The following SSC5D variants were observed in gnomAD, a reference collection of about 807,000 sequenced individuals.
SSC5D encodes the protein scavenger receptor cysteine rich family member with 5 domains.
Under a neutral mutation model 104.6 loss-of-function variants are expected in SSC5D, and 106 were observed. That is an observed-to-expected ratio of 1.01 (90% CI 0.87 to 1.19). The LOEUF (loss-of-function observed/expected upper bound fraction) is 1.19. Among genes scored for constraint, SSC5D ranks in the 50% most tolerant of loss-of-function variants. The pLI is 0.00. For synonymous variants in SSC5D, 860 were observed against 883.5 expected (o/e 0.97, Z 0.47); for missense variants, 1,993 against 2,153.8 (o/e 0.93, Z 1.48).
chr19:55,495,306 G>A (rs1433209620), intron 8 of SSC5D, among the ~76,000 whole-genome samples: 2 of 130,028 alleles, frequency 1.5e-5, no homozygotes, highest in Non-Finnish European at 3.2e-5. Flanking sequence ...GCAGTGGTGT[G>A]ATCATGGCTC....
Position 55,489,277 on chromosome 19 carries a change from C to T in SSC5D, c.53-77C>T, listed in dbSNP as rs1361313983. The T allele has an allele frequency of 4.3e-6, 6 of 1,385,998 alleles. No homozygotes were observed. The East Asian group carries it at 8.6e-5, about 20-fold the overall frequency. 85.9% of individuals were successfully genotyped at this position (1,385,998 alleles called of 1,614,324 possible). A position where few individuals can be genotyped will look rare whatever the true frequency, so the allele number is the denominator to read the frequency against. ...ACAGACAGTACCTGCAGGACAGCCA[C>T]CTGCCCCTACAGTTGCCCTGGCCTT... On this transcript the variant is annotated intron_variant, in intron 2 of 13. Coordinates refer to ENST00000389623, the MANE Select transcript of SSC5D (RefSeq NM_001144950.2).
chr19:55,506,996 G>A (rs796518315), intron 12 of SSC5D, among the ~76,000 whole-genome samples: 2 of 151,334 alleles, frequency 1.3e-5, no homozygotes, highest in South Asian at 4.2e-4. Flanking sequence ...GCGAAACCCT[G>A]TCTCTACTAA....
In SSC5D at chr19:55,494,858, A is replaced by C. The variant is rs145295127; in HGVS notation, c.1387+75A>C. 3.5e-4 allele frequency: 506 copies of C among 1,426,652 alleles called. 2 individuals carry two copies. The African/African-American group carries it at 5.3e-3, about 15-fold the overall frequency. The allele number at this position is 1,426,652 out of a possible 1,614,324, so 88.4% of individuals were successfully genotyped here. A position where few individuals can be genotyped will look rare whatever the true frequency, so the allele number is the denominator to read the frequency against. The stretch of plus-strand genomic sequence containing the variant: ...CTTCCCTCAGCTCTGAGACTGTCTC[A>C]TGGGGGGCCTCTTGCAAAGAGAAAG... On this transcript the variant is annotated intron_variant, in intron 8 of 13. Transcript: ENST00000389623.
At chr19:55,502,630 T>C (rs1172446817) in intron 12 of SSC5D, among the ~76,000 whole-genome samples, 2 of 152,150 alleles carry the variant, frequency 1.3e-5, no homozygotes, top group African/African-American at 4.8e-5. Context: ...ACCACCTCTG[T>C]TTCTCACTCC....
At chr19:55,502,225 A>G (rs1987523819) in intron 12 of SSC5D, among the ~76,000 whole-genome samples, 1 of 152,026 alleles carries the variant, frequency 6.6e-6, no homozygotes. Flanking sequence ...TTCATTTTCC[A>G]TGATCAAATT....
At chr19:55,507,853 C>A (rs375449104) in intron 12 of SSC5D, among the ~76,000 whole-genome samples, 36 of 151,968 alleles carry the variant, frequency 2.4e-4, no homozygotes, top group East Asian at 5.8e-4. Context: ...GGGGAATGGA[C>A]TGTAGGGGCC....
Position 55,490,885 on chromosome 19 carries a change from G to C in SSC5D, c.700G>C (p.Val234Leu), listed in dbSNP as rs1035079215. The part of the protein sequence containing the change: ...DDGWDLRDAA[V>L]ACRELGCGGA... ...TGGCTGGGACCTGCGCGACGCTGCTGTAGCCTGCCGGGAACTGGGCTGTGG... is the reference window on the plus strand; with the variant it reads ...TGGCTGGGACCTGCGCGACGCTGCTCTAGCCTGCCGGGAACTGGGCTGTGG... The change falls in exon 6 of 14, where the codon GTA becomes CTA. Residue 234 changes from valine to leucine, a missense_variant. By Grantham distance (32) the Val-to-Leu change is conservative. This residue lies in a region of SSC5D where 1,101 missense variants were observed against 1,085.0 expected (regional missense o/e 1.01). Coordinates refer to ENST00000389623, the MANE Select transcript of SSC5D (RefSeq NM_001144950.2). The C allele has an allele frequency of 7.8e-6, 12 of 1,546,138 alleles. No individual in the cohort carries two copies. The highest frequency in any genetic ancestry group is 8.7e-7 in the Non-Finnish European group (1 of 1,144,802).
At chr19:55,508,633 C>T (rs1199013155) in intron 12 of SSC5D, among the ~76,000 whole-genome samples, 1 of 151,588 alleles carries the variant, frequency 6.6e-6, no homozygotes. Flanking sequence ...GAATCCAGGG[C>T]GCATGCAGCA....
At chr19:55,509,454 C>A (rs1987705203) in intron 12 of SSC5D, among the ~76,000 whole-genome samples, 1 of 152,144 alleles carries the variant, frequency 6.6e-6, no homozygotes, top group Non-Finnish European at 1.5e-5. Context: ...CTGGGAGTAA[C>A]CGAAATGCCC....
At chr19:55,516,796 CG>C (rs1294846530) in intron 13 of SSC5D, among the ~76,000 whole-genome samples, 1 of 152,208 alleles carries the variant, frequency 6.6e-6, no homozygotes, top group Non-Finnish European at 1.5e-5. Context: ...CATTACCCTT[CG>C]GAGCCCTCTT....
rs1405745879 is a variant in SSC5D, at chr19:55,517,772, A to T, written c.3496A>T (p.Thr1166Ser). 7.8e-6 allele frequency: 12 copies of T among 1,542,744 alleles called. No individual in the cohort carries two copies. In the South Asian group the frequency reaches 1.4e-4, roughly 18 times the overall value. Residue 1166 changes from threonine (T) to serine (S), a missense_variant, in exon 14 of 14, where the codon ACC (threonine) becomes TCC (serine). Around this residue, in one of 6 missense-constraint regions of SSC5D, gnomAD observed 30 missense variants for 52.4 expected, o/e 0.57. Coordinates refer to ENST00000389623, the MANE Select transcript of SSC5D (RefSeq NM_001144950.2). The part of the protein sequence containing the change: ...DPTMAPDPIT[T>S]LNPTVTPHFP... ...CACCATGGCCCCTGACCCCATCACA[A>T]CCCTTAACCCTACTGTGACCCCTCA...
chr19:55,502,308 GTATT>G (rs1389532743), intron 12 of SSC5D, among the ~76,000 whole-genome samples: 3 of 151,646 alleles, frequency 2.0e-5, no homozygotes, highest in Non-Finnish European at 4.4e-5. Flanking sequence ...TCTTTATGCC[GTATT>G]TTTTTCATGG....
At position 55,488,732 on chromosome 19, in the gene SSC5D, C is replaced by A; in HGVS notation, c.25+118C>A. The A allele has an allele frequency of 5.6e-6, 5 of 898,276 alleles. No homozygotes were observed. The South Asian group carries it at 7.3e-5, about 13-fold the overall frequency. 55.6% of individuals were successfully genotyped at this position (898,276 alleles called of 1,614,324 possible). A position where few individuals can be genotyped will look rare whatever the true frequency, so the allele number is the denominator to read the frequency against. On this transcript the variant is annotated intron_variant, in intron 1 of 13. Transcript: ENST00000389623. Reference sequence around the variant, plus strand: ...ACTGGTCGCTGGTGCTCCTGCATACCCTGACATCCCTTCTGAGGATCCCTG... The same window carrying A: ...ACTGGTCGCTGGTGCTCCTGCATACACTGACATCCCTTCTGAGGATCCCTG...
rs1046618126 is a variant in SSC5D at position 55,504,159 on chromosome 19, G to A, written c.2785+2958G>A. 4 of 1,535,636 alleles carry A rather than the reference G, an allele frequency of 2.6e-6. No individual in the cohort carries two copies. In the African/African-American group the frequency reaches 5.5e-5, roughly 21 times the overall value. On this transcript the variant is annotated intron_variant, in intron 12 of 13. Coordinates refer to ENST00000389623, the MANE Select transcript of SSC5D (RefSeq NM_001144950.2). ...CGAGAGGTGATGCTCCTCGTTCAAGGACTGCCAGGGTTGCAGCGCCTCCCT... is the reference window on the plus strand; with the variant it reads ...CGAGAGGTGATGCTCCTCGTTCAAGAACTGCCAGGGTTGCAGCGCCTCCCT...
At chr19:55,488,970 C>T in intron 1 of SSC5D, 36 bp from the exon 2 acceptor site, 1 of 1,524,846 alleles carries the variant, frequency 6.6e-7, no homozygotes, top group Non-Finnish European at 8.9e-7. Flanking sequence ...CCCGGCCTGC[C>T]CCTCACACTG....
In SSC5D at chr19:55,493,684, T is replaced by TA. The variant is rs1987217204; in HGVS notation, c.985_986insA (p.Cys329Ter). ...VWHGGRWGSV[C>*]DDAWDLRDAA... The stretch of plus-strand genomic sequence containing the variant: ...GCACGGGGGTCGCTGGGGGTCGGTG[T>TA]GTGACGACGCCTGGGACCTGCGAGA... Residue 329 changes from cysteine (C) to a stop codon, truncating the protein, a stop_gained and frameshift_variant, in exon 7 of 14, where the codon TGT (cysteine) becomes TAGT (stop). Transcript: ENST00000389623. LOFTEE classifies it high-confidence loss of function. The TA allele has an allele frequency of 6.6e-7, 1 of 1,510,682 alleles. No homozygotes were observed. Among genetic ancestry groups the TA allele is most frequent in the African/African-American group, 1.4e-5 (1 of 70,330 alleles). The allele number at this position is 1,510,682 out of a possible 1,614,324, so 93.6% of individuals were successfully genotyped here.
At chr19:55,504,213 C>T (rs1372693651) in intron 12 of SSC5D, 3 of 1,532,566 alleles carry the variant, frequency 2.0e-6, no homozygotes, top group Non-Finnish European at 2.6e-6. Flanking sequence ...GTGGTGGAGG[C>T]GGGCACGTGC....
rs1172859274 is a variant in SSC5D at position 55,503,604 on chromosome 19, C to T, written c.2785+2403C>T. The stretch of plus-strand genomic sequence containing the variant: ...GCTCCCTCACGGGAGGTTTCACTCC[C>T]CACCTAAGGGGCAGCGTTTCTGTCC... On this transcript the variant is annotated intron_variant, in intron 12 of 13. Transcript: ENST00000389623. The surrounding 1 kb of genome is among the most constrained non-coding windows in gnomAD (Gnocchi z 4.0). Among the ~76,000 whole-genome samples, 2 of 152,158 alleles carry T rather than the reference C, an allele frequency of 1.3e-5. No individual in the cohort carries two copies. The highest frequency in any genetic ancestry group is 4.8e-5 in the African/African-American group (2 of 41,450).
chr19:55,499,809 C>T lies in SSC5D; in HGVS notation c.1706-7C>T. ...TGTCTTCTCTTCCTGCCCCACTCAC[C>T]TTCCAGGGCCCCCAGGCCTGGACTC... On this transcript the variant is annotated splice_polypyrimidine_tract_variant and splice_region_variant and intron_variant, in intron 9 of 13. Coordinates refer to ENST00000389623, the MANE Select transcript of SSC5D (RefSeq NM_001144950.2). The T allele has an allele frequency of 1.9e-6, 3 of 1,547,656 alleles. No homozygotes were observed. The South Asian group carries it at 3.6e-5, about 18-fold the overall frequency.
Sources: gnomAD v4.1 joint callset for allele counts (sites outside exome capture counted in the v4.1 genomes callset) on GRCh38, gnomAD v4.1.1 for gene constraint, gnomAD v4.1.1 regional missense constraint, Gnocchi (gnomAD v3.1) non-coding constraint, MANE v1.5 for transcripts, NCBI Gene and HGNC (gene_info 2026-07-23, HGNC 2026-07-21) for gene names.